The following SLC44A3 variants were observed in gnomAD, a reference collection of about 807,000 sequenced individuals.
SLC44A3 encodes the protein solute carrier family 44 member 3.
SLC44A3 carries 74 observed loss-of-function variants against 75.4 expected under a neutral mutation model. The ratio of observed to expected loss-of-function variants is 0.98; its 90% CI spans 0.81 to 1.19. SLC44A3 has a LOEUF of 1.19. SLC44A3 is among the 50% of genes most tolerant of loss of function. The probability of loss-of-function intolerance (pLI) is 0.00; values close to 1 mark genes in which losing one functional copy is unlikely to be tolerated. For missense variants in SLC44A3, 700 were observed against 778.6 expected, an observed-to-expected ratio of 0.90 and a Z score of 1.20; for synonymous variants, 310 against 296.9, an observed-to-expected ratio of 1.04 and a Z score of -0.45.
intron 12 of SLC44A3, among the ~76,000 whole-genome samples, chr1:94,890,260 A>C (rs1284497956): frequency 6.6e-6 from 1 of 152,102 alleles, no homozygotes; most frequent in African/African-American, 2.4e-5. Flanking sequence ...TTAGTACCTT[A>C]AACATACCTC....
At chr1:94,888,825 G>A in intron 12 of SLC44A3, 1 of 549,160 alleles carries the variant, frequency 1.8e-6, no homozygotes, top group Non-Finnish European at 2.3e-6. Flanking sequence ...TGCTTCCCGG[G>A]TTCAAGCGTT....
At chr1:94,869,035 T>G (rs1041464676) in intron 12 of SLC44A3, among the ~76,000 whole-genome samples, 1 of 152,216 alleles carries the variant, frequency 6.6e-6, no homozygotes, top group Admixed American at 6.5e-5. Context: ...CAGCTCCACT[T>G]TATGTGGTTT....
At chr1:94,887,119 TAG>T (rs1352975918) in intron 12 of SLC44A3, among the ~76,000 whole-genome samples, 2 of 152,070 alleles carry the variant, frequency 1.3e-5, no homozygotes, top group Non-Finnish European at 2.9e-5. Flanking sequence ...CACATTTTGT[TAG>T]AGTCTGCAGA....
chr1:94,857,801 G>A (rs960233053), intron 10 of SLC44A3, among the ~76,000 whole-genome samples: 1 of 143,686 alleles, frequency 7.0e-6, no homozygotes, highest in African/African-American at 2.5e-5. Flanking sequence ...CTCTGCCTAT[G>A]GAGTAGCCTT....
intron 5 of SLC44A3, among the ~76,000 whole-genome samples, chr1:94,829,022 C>T (rs758351263): frequency 2.6e-5 from 4 of 152,050 alleles, no homozygotes; most frequent in South Asian, 4.1e-4. Flanking sequence ...AGGCGGATCA[C>T]GAGGTCAGGA....
chr1:94,849,349 C>T (rs937777937), intron 9 of SLC44A3, among the ~76,000 whole-genome samples: 1 of 152,218 alleles, frequency 6.6e-6, no homozygotes, highest in African/African-American at 2.4e-5. Context: ...GAGCCACCAC[C>T]CCCCTTCCCC....
Position 94,845,249 on chromosome 1 carries a change from G to C in SLC44A3, c.886-29G>C, listed in dbSNP as rs1254167535. On this transcript the variant is annotated intron_variant, in intron 8 of 14. Coordinates refer to ENST00000271227, the MANE Select transcript of SLC44A3 (RefSeq NM_001114106.3). ...CTACCCAGTTCTCCATTATTTGGAA[G>C]TAATTTACTCAAATCCCTTTCTCAC... 3 of 1,561,954 alleles carry C rather than the reference G, an allele frequency of 1.9e-6. No homozygotes were observed. In the South Asian group the frequency reaches 3.7e-5, roughly 19 times the overall value.
At chr1:94,823,792 G>A (rs770324963) in intron 2 of SLC44A3, among the ~76,000 whole-genome samples, 5 of 152,152 alleles carry the variant, frequency 3.3e-5, no homozygotes, top group South Asian at 2.1e-4. Flanking sequence ...TACTAAGTTT[G>A]CATTATGGGA....
At position 94,828,418 on chromosome 1, in the gene SLC44A3, T is replaced by G. The variant is rs564808523; in HGVS notation, c.416-75T>G. On this transcript the variant is annotated intron_variant, in intron 4 of 14. Transcript: ENST00000271227. ...GTAGTTGATTCTTTCTCCTTTCTGG[T>G]TTGGTAACATGGCTGTGGTTTCCTT... The G allele has an allele frequency of 1.9e-4, 237 of 1,217,812 alleles. 2 individuals are homozygous for G. The South Asian group carries it at 2.4e-3, about 12-fold the overall frequency. 75.4% of individuals were successfully genotyped at this position (1,217,812 alleles called of 1,614,324 possible).
intron 10 of SLC44A3, among the ~76,000 whole-genome samples, chr1:94,864,166 GTAAA>G (rs745317404): frequency 3.3e-5 from 5 of 152,048 alleles, no homozygotes; most frequent in Non-Finnish European, 7.4e-5. Context: ...GACAAGTCCC[GTAAA>G]TGATTCACAC....
At chr1:94,834,766 T>C (rs1662560692) in intron 5 of SLC44A3, among the ~76,000 whole-genome samples, 2 of 152,210 alleles carry the variant, frequency 1.3e-5, no homozygotes, top group South Asian at 2.1e-4. Flanking sequence ...ATTACAGGCA[T>C]GAGCCACTGC....
At chr1:94,870,672 T>G (rs1209886246) in intron 12 of SLC44A3, among the ~76,000 whole-genome samples, 1 of 152,180 alleles carries the variant, frequency 6.6e-6, no homozygotes, top group East Asian at 1.9e-4. Flanking sequence ...GTTAGGTTTT[T>G]TGTTTTCGTT....
intron 10 of SLC44A3, among the ~76,000 whole-genome samples, chr1:94,859,355 C>A (rs1168408677): frequency 6.6e-6 from 1 of 152,038 alleles, no homozygotes; most frequent in Non-Finnish European, 1.5e-5. Flanking sequence ...CACACCAGGA[C>A]AGTAAGAAAC....
At chr1:94,836,302 T>C (rs749307426) in intron 5 of SLC44A3, among the ~76,000 whole-genome samples, 2 of 152,174 alleles carry the variant, frequency 1.3e-5, no homozygotes, top group Non-Finnish European at 2.9e-5. Context: ...CTCATGAAGA[T>C]TCATTAGAAT....
rs1387661363 is a variant in SLC44A3, at chr1:94,827,636, C to T, written c.408C>T (p.Asn136=). The change falls in exon 4 of 15, where the codon AAC becomes AAT. Residue 136 remains asparagine, a synonymous_variant. Transcript: ENST00000271227. ...DSLEEVQFFA[N]TSGSFLCVYS... ...TGGAAGAGGTCCAGTTCTTTGCAAA[C>T]ACCAGTGGTAGGCACTAAGGCCTGG... 6.2e-7 allele frequency: 1 copy of T among 1,614,140 alleles called. No individual in the cohort carries two copies. The highest frequency in any genetic ancestry group is 1.1e-5 in the South Asian group (1 of 91,074).
chr1:94,861,194 G>A (rs1393171651), intron 10 of SLC44A3, among the ~76,000 whole-genome samples: 1 of 152,178 alleles, frequency 6.6e-6, no homozygotes, highest in Non-Finnish European at 1.5e-5. Context: ...CAAACACTAA[G>A]CATTAACTAA....
chr1:94,843,806 C>T (rs1414123801), intron 8 of SLC44A3, among the ~76,000 whole-genome samples: 1 of 144,798 alleles, frequency 6.9e-6, no homozygotes, highest in Non-Finnish European at 1.5e-5. Context: ...CCGAGAAACA[C>T]CATCTTTGTG....
intron 9 of SLC44A3, among the ~76,000 whole-genome samples, chr1:94,852,622 G>A (rs996855265): frequency 6.6e-6 from 1 of 152,174 alleles, no homozygotes; most frequent in Admixed American, 6.5e-5. Context: ...ATTTTAAGCA[G>A]AATAAAATCT....
At chr1:94,826,335 A>G (rs554202117) in intron 3 of SLC44A3, among the ~76,000 whole-genome samples, 1 of 152,294 alleles carries the variant, frequency 6.6e-6, no homozygotes, top group East Asian at 1.9e-4. Context: ...ACGTGAATGT[A>G]CTAATGTCAC....
Sources: gnomAD v4.1 joint callset for allele counts (sites outside exome capture counted in the v4.1 genomes callset) on GRCh38, gnomAD v4.1.1 for gene constraint, MANE v1.5 for transcripts, NCBI Gene and HGNC (gene_info 2026-07-23, HGNC 2026-07-21) for gene names.